Variants in POMT2 observed in about 807,000 individuals in gnomAD.
POMT2 encodes the protein protein O-mannosyl-transferase 2.
POMT2 carries 75 observed loss-of-function variants against 100.0 expected under a neutral mutation model. The observed-to-expected ratio is 0.75, with a 90% confidence interval of 0.62 to 0.91. POMT2 has a LOEUF of 0.91. Ranked by LOEUF, POMT2 falls within the 40% of genes least tolerant of loss-of-function variation. The probability of loss-of-function intolerance (pLI) is 0.00; values close to 1 mark genes in which losing one functional copy is unlikely to be tolerated. For missense variants in POMT2, 940 were observed against 955.1 expected, an observed-to-expected ratio of 0.98 and a Z score of 0.21; for synonymous variants, 378 against 374.1, an observed-to-expected ratio of 1.01 and a Z score of -0.12.
At chr14:77,320,243 C>A in intron 1 of POMT2, 191 bp downstream of exon 1, 1 of 923,186 alleles carries the variant, frequency 1.1e-6, no homozygotes, top group Non-Finnish European at 1.6e-6. Context: ...CACTGCCCCA[C>A]CACCAGAGCA....
intron 9 of POMT2, among the ~76,000 whole-genome samples, chr14:77,294,691 T>G (rs1890760699): frequency 6.6e-6 from 1 of 152,216 alleles, no homozygotes; most frequent in Non-Finnish European, 1.5e-5. Flanking sequence ...AAAATGTGAC[T>G]TGCTCCTCCT....
intron 17 of POMT2, 21 bp downstream of exon 17, chr14:77,280,000 C>A: frequency 1.9e-6 from 3 of 1,614,064 alleles, no homozygotes; most frequent in Non-Finnish European, 2.5e-6. Context: ...GGGCCTGAGC[C>A]GGGAATGTTT....
At chr14:77,313,121 T>C (rs914066209) in intron 1 of POMT2, among the ~76,000 whole-genome samples, 1 of 152,228 alleles carries the variant, frequency 6.6e-6, no homozygotes, top group Non-Finnish European at 1.5e-5. Flanking sequence ...CCTTTTCTAT[T>C]TGTAATTTTC....
At chr14:77,301,458 G>T (rs1188633403) in intron 5 of POMT2, among the ~76,000 whole-genome samples, 1 of 152,166 alleles carries the variant, frequency 6.6e-6, no homozygotes, top group Non-Finnish European at 1.5e-5. Context: ...GTCTGAGGGC[G>T]CAGGGTATTC....
intron 4 of POMT2, 118 bp from the exon 5 acceptor site, chr14:77,303,061 T>C: frequency 1.3e-6 from 1 of 790,832 alleles, no homozygotes; most frequent in Non-Finnish European, 2.2e-6. Flanking sequence ...TAAGCACTTG[T>C]GCAGTCAGGA....
chr14:77,316,718 C>T (rs779450359), intron 1 of POMT2, among the ~76,000 whole-genome samples: 1 of 152,140 alleles, frequency 6.6e-6, no homozygotes, highest in Non-Finnish European at 1.5e-5. Context: ...CCTTGATTCA[C>T]AGGGGTTCCT....
intron 1 of POMT2, chr14:77,319,353 A>G (rs1891749873): frequency 6.6e-6 from 1 of 152,232 alleles, no homozygotes; most frequent in Non-Finnish European, 1.5e-5. Flanking sequence ...AAAAGATGTG[A>G]GTAGCCAGGG....
intron 3 of POMT2, among the ~76,000 whole-genome samples, chr14:77,306,089 AG>A (rs1891219436): frequency 6.6e-6 from 1 of 152,196 alleles, no homozygotes; most frequent in Non-Finnish European, 1.5e-5. Context: ...GCAGGGCAGC[AG>A]GTGACAATGC....
chr14:77,306,618 T>G (rs954170791), intron 2 of POMT2, 177 bp from the exon 3 acceptor site: 5 of 634,648 alleles, frequency 7.9e-6, no homozygotes, highest in Middle Eastern at 4.5e-4. Context: ...GAATCTTTTG[T>G]CTACAGAGCT....
Position 77,304,818 on chromosome 14 carries a change from A to G in POMT2, c.439-18T>C. On this transcript the variant is annotated intron_variant, in intron 3 of 20. Coordinates refer to ENST00000261534, the MANE Select transcript of POMT2 (RefSeq NM_013382.7). ...GCACAGAACTGTGGGAGGAATAGAG[A>G]AGCTGTCAAATAACAAGCTGAGCTA... 1.9e-6 allele frequency: 3 copies of G among 1,569,596 alleles called. No homozygotes were observed. Among genetic ancestry groups the G allele is most frequent in the Non-Finnish European group, 2.6e-6 (3 of 1,156,768 alleles).
In POMT2 at chr14:77,280,091, G is replaced by A. The variant is rs757599704; in HGVS notation, c.1726-11C>T. On this transcript the variant is annotated splice_polypyrimidine_tract_variant and intron_variant, in intron 16 of 20. Coordinates refer to ENST00000261534, the MANE Select transcript of POMT2 (RefSeq NM_013382.7). ...TGAGAAGCGTAGGCCCTGTGGAATA[G>A]AGACCACCCTGCTGACCCAGGCCCA... 3.1e-6 allele frequency: 5 copies of A among 1,613,774 alleles called. No individual in the cohort carries two copies. The highest frequency in any genetic ancestry group is 3.4e-6 in the Non-Finnish European group (4 of 1,180,026).
At chr14:77,293,658 C>T (rs1361094426) in intron 9 of POMT2, among the ~76,000 whole-genome samples, 2 of 152,210 alleles carry the variant, frequency 1.3e-5, no homozygotes, top group Admixed American at 6.5e-5. Flanking sequence ...GTCCAATCCC[C>T]TCAATTTACA....
intron 1 of POMT2, among the ~76,000 whole-genome samples, chr14:77,314,556 G>C (rs1308845770): frequency 6.6e-6 from 1 of 152,228 alleles, no homozygotes; most frequent in Admixed American, 6.5e-5. Context: ...TTTGGTAAGA[G>C]AAAGAATGAG....
chr14:77,279,785 C>T, intron 18 of POMT2, 38 bp downstream of exon 18: 2 of 1,589,962 alleles, frequency 1.3e-6, no homozygotes, highest in Non-Finnish European at 8.6e-7. Flanking sequence ...TGCCCTGCTG[C>T]CGCCAGGTCA....
intron 10 of POMT2, among the ~76,000 whole-genome samples, chr14:77,290,121 A>G (rs377497305): frequency 1.3e-5 from 2 of 152,342 alleles, no homozygotes; most frequent in African/African-American, 4.8e-5. Context: ...CTTCAAGAAC[A>G]CAAAGACCCT....
chr14:77,314,278 T>C (rs1362041505), intron 1 of POMT2, among the ~76,000 whole-genome samples: 1 of 152,170 alleles, frequency 6.6e-6, no homozygotes. Flanking sequence ...TCAGCTGTGA[T>C]GCAAGCTACT....
In POMT2 at chr14:77,283,779, T is replaced by A; in HGVS notation, c.1653+18A>T. The A allele has an allele frequency of 1.9e-6, 3 of 1,583,952 alleles. No homozygotes were observed. The highest frequency in any genetic ancestry group is 2.6e-6 in the Non-Finnish European group (3 of 1,152,658). ...AAAAGCTCTTAGAGACGCCATGAAA[T>A]GAGAAGGGGACACATACCCGGATCA... On this transcript the variant is annotated intron_variant, in intron 15 of 20. Coordinates refer to ENST00000261534, the MANE Select transcript of POMT2 (RefSeq NM_013382.7).
intron 15 of POMT2, among the ~76,000 whole-genome samples, chr14:77,283,194 G>A (rs144725850): frequency 1.2e-3 from 184 of 152,336 alleles, no homozygotes; most frequent in African/African-American, 4.3e-3. Context: ...GCTCGTGGCT[G>A]GGATTTCATG....
Position 77,286,727 on chromosome 14 carries a change from C to A in POMT2, c.1332+17G>T, listed in dbSNP as rs761744826. On this transcript the variant is annotated intron_variant, in intron 12 of 20. Coordinates refer to ENST00000261534, the MANE Select transcript of POMT2 (RefSeq NM_013382.7). ...CATAACTTTTACGTCCTACTCACATCCCCGTTGCTTACTTACTATGCCATA... is the reference window on the plus strand; with the variant it reads ...CATAACTTTTACGTCCTACTCACATACCCGTTGCTTACTTACTATGCCATA... 5 of 1,614,138 alleles carry A rather than the reference C, an allele frequency of 3.1e-6. No individual in the cohort carries two copies. In the South Asian group the frequency reaches 4.4e-5, roughly 14 times the overall value.
Sources: allele counts gnomAD v4.1 joint callset (sites outside exome capture counted in the v4.1 genomes callset), GRCh38; gene constraint gnomAD v4.1.1; transcripts MANE v1.5; gene names NCBI Gene and HGNC (gene_info 2026-07-23, HGNC 2026-07-21).